The following PKNOX2 variants were observed in gnomAD, a reference collection of about 807,000 sequenced individuals.
PKNOX2 encodes homeobox protein PKNOX2.
In PKNOX2, 14 loss-of-function variants were observed where a neutral mutation model predicts 53.1. The ratio of observed to expected loss-of-function variants is 0.26; its 90% CI spans 0.17 to 0.41. The LOEUF is 0.41. PKNOX2 is among the 10% of genes least tolerant of loss of function. The pLI, the probability that PKNOX2 is intolerant of heterozygous loss-of-function variation, is 1.00. For missense variants in PKNOX2, 496 were observed against 602.8 expected, an observed-to-expected ratio of 0.82 and a Z score of 1.85; for synonymous variants, 257 against 242.8, an observed-to-expected ratio of 1.06 and a Z score of -0.54.
Position 125,391,627 on chromosome 11 carries a change from G to A in PKNOX2, c.399+5905G>A, listed in dbSNP as rs560462038. On this transcript the variant is annotated intron_variant, in intron 6 of 12. Transcript: ENST00000298282. ...AAATAATCAGTGTGGGACATCAGAC[G>A]ACATGGCTTTATAGAAAATAAGAAA... Among the ~76,000 whole-genome samples, 12 of 152,320 alleles carry A rather than the reference G, an allele frequency of 7.9e-5. No individual in the cohort carries two copies. In the South Asian group the frequency reaches 8.3e-4, roughly 11 times the overall value.
intron 10 of PKNOX2, among the ~76,000 whole-genome samples, chr11:125,423,006 G>A (rs147443287): frequency 7.9e-5 from 12 of 151,664 alleles, no homozygotes; most frequent in African/African-American, 1.9e-4. Context: ...AATAGCTTTC[G>A]TATATTAACT....
chr11:125,335,876 C>T (rs1298141058), intron 3 of PKNOX2, among the ~76,000 whole-genome samples: 1 of 152,046 alleles, frequency 6.6e-6, no homozygotes, highest in Non-Finnish European at 1.5e-5. Context: ...GAAGAGGTCC[C>T]AAGCAGGCCA....
chr11:125,397,547 A>G (rs1465992864), intron 6 of PKNOX2, among the ~76,000 whole-genome samples: 6 of 152,196 alleles, frequency 3.9e-5, no homozygotes, highest in African/African-American at 1.2e-4. Context: ...CAGATAGTAA[A>G]TGACAGGCCG....
chr11:125,268,472 T>C (rs950435867), intron 2 of PKNOX2, among the ~76,000 whole-genome samples: 2 of 152,186 alleles, frequency 1.3e-5, no homozygotes, highest in African/African-American at 2.4e-5. Flanking sequence ...GGAATTCAGA[T>C]GTATAAGCTG....
chr11:125,325,128 A>T (rs149769331), intron 2 of PKNOX2, among the ~76,000 whole-genome samples: 2 of 152,300 alleles, frequency 1.3e-5, no homozygotes, highest in East Asian at 3.9e-4. Flanking sequence ...GCTTTTCATG[A>T]TGCATTCCCA....
At chr11:125,183,632 CTTTT>C (rs1956280128) in intron 1 of PKNOX2, among the ~76,000 whole-genome samples, 1 of 151,934 alleles carries the variant, frequency 6.6e-6, no homozygotes, top group Non-Finnish European at 1.5e-5. Context: ...GACACTGACT[CTTTT>C]TTTATTAACT....
rs530739120 is a variant in PKNOX2 at position 125,363,013 on chromosome 11, G to A, written c.88-4833G>A. 3.9e-5 allele frequency among the ~76,000 whole-genome samples: 6 copies of A among 152,322 alleles called. No individual in the cohort carries two copies. In the South Asian group the frequency reaches 8.3e-4, roughly 21 times the overall value. On this transcript the variant is annotated intron_variant, in intron 4 of 12. Transcript: ENST00000298282. ...ATCTGGGCAGGGTTTCCTTAGCTGC[G>A]AGCTTAAGGCAGAACTGGTTCTGGC... is the stretch of plus-strand genomic sequence containing the variant.
At chr11:125,205,472 G>A (rs958843747) in intron 1 of PKNOX2, among the ~76,000 whole-genome samples, 2 of 152,192 alleles carry the variant, frequency 1.3e-5, no homozygotes, top group East Asian at 1.9e-4. Context: ...TGCATACTTT[G>A]TGGCCTCTGT....
intron 1 of PKNOX2, among the ~76,000 whole-genome samples, chr11:125,224,226 G>T (rs974537338): frequency 1.3e-5 from 2 of 152,226 alleles, no homozygotes; most frequent in Non-Finnish European, 2.9e-5. Flanking sequence ...CTGGGGAGTC[G>T]CCCGGGCCAG....
intron 2 of PKNOX2, among the ~76,000 whole-genome samples, chr11:125,264,405 G>A (rs1945140680): frequency 6.6e-6 from 1 of 152,140 alleles, no homozygotes; most frequent in African/African-American, 2.4e-5. Flanking sequence ...TCACTGGAAG[G>A]GATTTCATTT....
chr11:125,202,496 C>T (rs573307442), intron 1 of PKNOX2, among the ~76,000 whole-genome samples: 9 of 152,324 alleles, frequency 5.9e-5, no homozygotes, highest in African/African-American at 2.2e-4. Flanking sequence ...TGTCTGTCCC[C>T]AAAGAGGTCT....
intron 10 of PKNOX2, among the ~76,000 whole-genome samples, chr11:125,426,816 CAT>C (rs1249327441): frequency 1.3e-5 from 2 of 152,212 alleles, no homozygotes; most frequent in African/African-American, 4.8e-5. Context: ...GTGGGGGACA[CAT>C]GTCTTGCCAT....
At chr11:125,303,675 G>C (rs1362585049) in intron 2 of PKNOX2, among the ~76,000 whole-genome samples, 1 of 152,172 alleles carries the variant, frequency 6.6e-6, no homozygotes, top group Non-Finnish European at 1.5e-5. Flanking sequence ...TTTGGGAAAT[G>C]CTGGCAGAAA....
intron 2 of PKNOX2, among the ~76,000 whole-genome samples, chr11:125,277,059 A>G (rs1946219063): frequency 6.6e-6 from 1 of 152,178 alleles, no homozygotes; most frequent in Admixed American, 6.5e-5. Flanking sequence ...AATGTTTTTA[A>G]TGAAGTAGGA....
intron 4 of PKNOX2, among the ~76,000 whole-genome samples, chr11:125,356,758 C>T (rs1012089526): frequency 6.6e-6 from 1 of 152,210 alleles, no homozygotes; most frequent in Non-Finnish European, 1.5e-5. Flanking sequence ...GGCAGATATC[C>T]TGGGGAAGCT....
Position 125,411,982 on chromosome 11 carries a change from G to A in PKNOX2, c.936+117G>A, listed in dbSNP as rs563967652. ...CCACAGACAGAGGGCGCGGCCTCGG[G>A]GAGAGCTCTCTGATAGGAATGACAT... On this transcript the variant is annotated intron_variant, in intron 10 of 12. Coordinates refer to ENST00000298282, the MANE Select transcript of PKNOX2 (RefSeq NM_001382323.2). The A allele has an allele frequency of 3.3e-5, 50 of 1,494,964 alleles. No individual in the cohort carries two copies. In the East Asian group the frequency reaches 1.1e-3, roughly 33 times the overall value. The allele number at this position is 1,494,964 out of a possible 1,614,324, so 92.6% of individuals were successfully genotyped here. A position where few individuals can be genotyped will look rare whatever the true frequency, so the allele number is the denominator to read the frequency against.
At chr11:125,384,414 G>T (rs571989866) in intron 5 of PKNOX2, among the ~76,000 whole-genome samples, 6 of 152,186 alleles carry the variant, frequency 3.9e-5, no homozygotes, top group African/African-American at 1.4e-4. Flanking sequence ...CAGGCCGGGT[G>T]GTGGCTCACG....
At chr11:125,219,009 G>T (rs1940850824) in intron 1 of PKNOX2, among the ~76,000 whole-genome samples, 1 of 152,150 alleles carries the variant, frequency 6.6e-6, no homozygotes, top group African/African-American at 2.4e-5. Context: ...CCCATGTCCA[G>T]GCTGGCAATC....
rs1031111477 is a variant in PKNOX2 at position 125,431,759 on chromosome 11, T to C, written c.*367T>C. 4.4e-6 allele frequency: 1 copy of C among 225,524 alleles called. No individual in the cohort carries two copies. Among genetic ancestry groups the C allele is most frequent in the Non-Finnish European group, 8.8e-6 (1 of 113,792 alleles). The allele number at this position is 225,524 out of a possible 1,614,324, so 14.0% of individuals were successfully genotyped here. On this transcript the variant is annotated 3_prime_UTR_variant, in exon 13 of 13. Transcript: ENST00000298282. Reference sequence around the variant, plus strand: ...TTTACAAGCCCTGCACTGAGGCAGATTGGTGCTGTTCGCAGAGTAGGCCTT... The same window carrying C: ...TTTACAAGCCCTGCACTGAGGCAGACTGGTGCTGTTCGCAGAGTAGGCCTT...
Sources: gnomAD v4.1 joint callset for allele counts (sites outside exome capture counted in the v4.1 genomes callset) on GRCh38, gnomAD v4.1.1 for gene constraint, MANE v1.5 for transcripts, NCBI Gene and HGNC (gene_info 2026-07-23, HGNC 2026-07-21) for gene names.